PTPRD: variants seen among roughly 807,000 people sequenced by gnomAD.
The protein encoded by PTPRD is receptor-type tyrosine-protein phosphatase delta.
PTPRD carries 34 observed loss-of-function variants against 214.5 expected under a neutral mutation model. The observed-to-expected ratio is 0.16, with a 90% CI of 0.12 to 0.21. The LOEUF is 0.21. Ranked by LOEUF, PTPRD falls within the 10% of genes least tolerant of loss-of-function variation. PTPRD has a pLI of 1.00. For missense variants in PTPRD, 2,545 were observed against 2,398.7 expected (o/e 1.06, Z -1.27); for synonymous variants, 1,128 against 845.7 (o/e 1.33, Z -5.79).
chr9:10,573,272 C>A (rs527512763), intron 2 of PTPRD, among the ~76,000 whole-genome samples: 3 of 152,084 alleles, frequency 2.0e-5, no homozygotes, highest in Non-Finnish European at 4.4e-5. Context: ...AAAACACACA[C>A]GAATGTTGAA....
chr9:8,652,727 T>C (rs1489292641), intron 12 of PTPRD, among the ~76,000 whole-genome samples: 1 of 152,216 alleles, frequency 6.6e-6, no homozygotes, highest in Non-Finnish European at 1.5e-5. Context: ...GAGTGTTAGA[T>C]ACAAGATCCC....
At chr9:8,454,495 G>C in intron 33 of PTPRD, 1 of 1,442,094 alleles carries the variant, frequency 6.9e-7, no homozygotes, top group Admixed American at 1.8e-5. Context: ...GTGCAGCCCC[G>C]CCCTCCCCTC....
intron 14 of PTPRD, among the ~76,000 whole-genome samples, chr9:8,557,982 C>A (rs146207286): frequency 1.3e-5 from 2 of 151,724 alleles, no homozygotes; most frequent in South Asian, 2.1e-4. Context: ...TTAGAGAACG[C>A]TTTATTAACT....
intron 4 of PTPRD, among the ~76,000 whole-genome samples, chr9:9,966,772 A>G (rs888503848): frequency 3.3e-5 from 5 of 152,162 alleles, no homozygotes; most frequent in African/African-American, 1.2e-4. Flanking sequence ...CAGGAGGAAG[A>G]TTAACTTAAA....
At chr9:9,280,147 A>G (rs1383338439) in intron 9 of PTPRD, among the ~76,000 whole-genome samples, 1 of 151,294 alleles carries the variant, frequency 6.6e-6, no homozygotes, top group East Asian at 2.0e-4. Flanking sequence ...CACATGACAA[A>G]TACTCTCATG....
intron 9 of PTPRD, among the ~76,000 whole-genome samples, chr9:9,392,278 G>A (rs537086152): frequency 6.6e-6 from 1 of 152,276 alleles, no homozygotes; most frequent in East Asian, 1.9e-4. Context: ...ATCCTGACAG[G>A]CCCATTGGGT....
chr9:10,437,316 CA>C (rs2098725934), intron 2 of PTPRD, among the ~76,000 whole-genome samples: 1 of 151,794 alleles, frequency 6.6e-6, no homozygotes, highest in South Asian at 2.1e-4. Context: ...ATAGATTGCA[CA>C]AATACATATA....
chr9:9,500,590 C>A (rs1023260685), intron 8 of PTPRD, among the ~76,000 whole-genome samples: 4 of 151,948 alleles, frequency 2.6e-5, no homozygotes, highest in Non-Finnish European at 4.4e-5. Flanking sequence ...CCCTGTGGAA[C>A]ACTGGGCTGT....
At chr9:10,564,816 T>C (rs1331061694) in intron 2 of PTPRD, among the ~76,000 whole-genome samples, 1 of 152,210 alleles carries the variant, frequency 6.6e-6, no homozygotes, top group Non-Finnish European at 1.5e-5. Flanking sequence ...GAATAGACCA[T>C]AATGAATACT....
intron 3 of PTPRD, among the ~76,000 whole-genome samples, chr9:10,285,663 G>A (rs10959023): frequency 1.4e-5 from 2 of 147,680 alleles, no homozygotes; most frequent in East Asian, 4.0e-4. Flanking sequence ...CAGGCTGGAG[G>A]GCGGTGGTGC....
intron 14 of PTPRD, among the ~76,000 whole-genome samples, chr9:8,572,221 T>C (rs1462384314): frequency 6.6e-6 from 1 of 152,114 alleles, no homozygotes; most frequent in Non-Finnish European, 1.5e-5. Flanking sequence ...AAGCATAATC[T>C]TTCCATTTTA....
In PTPRD at chr9:8,486,301, G is replaced by A. The variant is rs200535332; in HGVS notation, c.2516C>T (p.Ala839Val). The A allele has an allele frequency of 6.2e-7, 1 of 1,614,160 alleles. No homozygotes were observed. The highest frequency in any genetic ancestry group is 8.5e-7 in the Non-Finnish European group (1 of 1,180,024). The change falls in exon 28 of 46, where the codon GCT (alanine) becomes GTT (valine). Residue 839 changes from alanine (A) to valine (V), a missense_variant. Transcript: ENST00000381196. ...LVINHTQMNT[A>V]LIQWHPPVDT... ...CACCGGAGGGTGCCACTGAATAAGA[G>A]CAGTATTCATCTGAGTGTGGTTAAT...
chr9:10,327,662 G>C (rs1348475804), intron 3 of PTPRD, among the ~76,000 whole-genome samples: 2 of 151,576 alleles, frequency 1.3e-5, no homozygotes, highest in Non-Finnish European at 3.0e-5. Context: ...GCATTTCAGT[G>C]GCAAAACCTC....
At chr9:10,403,012 G>A (rs897236963) in intron 2 of PTPRD, among the ~76,000 whole-genome samples, 4 of 151,118 alleles carry the variant, frequency 2.6e-5, no homozygotes, top group Admixed American at 6.6e-5. Context: ...AAACTGGTAG[G>A]TAACTCAATT....
rs370171300 is a variant in PTPRD at position 10,057,414 on chromosome 9, A to G, written c.-544-23624T>C. Among the ~76,000 whole-genome samples the G allele has an allele frequency of 7.4e-4, 112 of 152,290 alleles. 2 individuals carry two copies. In the South Asian group the frequency reaches 0.022, roughly 29 times the overall value. ...AAGAAGCCCAGAGTTTAACAGCAGC[A>G]TTAGCTGTTTTGTACCAGCATCAGT... On this transcript the variant is annotated intron_variant, in intron 3 of 45. Coordinates refer to ENST00000381196, the MANE Select transcript of PTPRD (RefSeq NM_002839.4).
chr9:8,798,287 G>C (rs1160627796), intron 11 of PTPRD, among the ~76,000 whole-genome samples: 2 of 152,210 alleles, frequency 1.3e-5, no homozygotes, highest in South Asian at 2.1e-4. Flanking sequence ...ATTAAGTCCA[G>C]TTCTCCAGCA....
intron 2 of PTPRD, among the ~76,000 whole-genome samples, chr9:10,367,895 G>A (rs1478464947): frequency 6.6e-6 from 1 of 152,064 alleles, no homozygotes; most frequent in Non-Finnish European, 1.5e-5. Context: ...AAGAAAATCT[G>A]CTTTACATGT....
At chr9:10,566,856 CA>C (rs35976717) in intron 2 of PTPRD, among the ~76,000 whole-genome samples, 2 of 152,020 alleles carry the variant, frequency 1.3e-5, no homozygotes, top group Non-Finnish European at 2.9e-5. Context: ...GAGTAGGGTT[CA>C]AAATCATTCT....
intron 3 of PTPRD, among the ~76,000 whole-genome samples, chr9:10,312,914 C>T (rs1180351123): frequency 6.6e-6 from 1 of 151,906 alleles, no homozygotes; most frequent in East Asian, 1.9e-4. Flanking sequence ...AGAACGAACA[C>T]ATTCTTGGTA....
Sources: allele counts gnomAD v4.1 joint callset (sites outside exome capture counted in the v4.1 genomes callset), GRCh38; gene constraint gnomAD v4.1.1; transcripts MANE v1.5; gene names NCBI Gene and HGNC (gene_info 2026-07-23, HGNC 2026-07-21).